The following EYS variants were observed in gnomAD, a reference collection of about 807,000 sequenced individuals.
The protein encoded by EYS is EGF-like photoreceptor maintenance factor.
Under a neutral mutation model 282.1 loss-of-function variants are expected in EYS, and 250 were observed. The ratio of observed to expected loss-of-function variants is 0.89; its 90% CI spans 0.80 to 0.98. The LOEUF is 0.98. Ranked by LOEUF, EYS falls within the 50% of genes least tolerant of loss-of-function variation. The pLI is 0.00. For missense variants in EYS, 4,016 were observed against 3,709.0 expected (o/e 1.08, Z -2.15); for synonymous variants, 1,355 against 1,282.9 (o/e 1.06, Z -1.20).
chr6:64,596,587 T>G (rs529501092), intron 24 of EYS, among the ~76,000 whole-genome samples: 1 of 152,212 alleles, frequency 6.6e-6, no homozygotes, highest in Admixed American at 6.5e-5. Context: ...TGATTTTTGA[T>G]AGAGATACCA....
chr6:64,696,025 A>T (rs1449596304), intron 22 of EYS, among the ~76,000 whole-genome samples: 1 of 152,242 alleles, frequency 6.6e-6, no homozygotes, highest in African/African-American at 2.4e-5. Flanking sequence ...GAAATATTCA[A>T]AATGCCAGAT....
At chr6:65,076,000 A>T (rs542333564) in intron 12 of EYS, among the ~76,000 whole-genome samples, 4 of 151,992 alleles carry the variant, frequency 2.6e-5, no homozygotes, top group Non-Finnish European at 5.9e-5. Flanking sequence ...CAGTAAATCA[A>T]GTTGGATTTG....
chr6:64,679,041 ATAATT>A (rs1769805061), intron 22 of EYS, among the ~76,000 whole-genome samples: 1 of 152,148 alleles, frequency 6.6e-6, no homozygotes, highest in African/African-American at 2.4e-5. Flanking sequence ...ATACACTTAC[ATAATT>A]TAAAGTTTAT....
chr6:65,522,209 G>A (rs2127299419), intron 2 of EYS, among the ~76,000 whole-genome samples: 1 of 152,066 alleles, frequency 6.6e-6, no homozygotes, highest in East Asian at 1.9e-4. Flanking sequence ...TAATTTTTCT[G>A]GTAAATTGAA....
At chr6:64,334,014 G>A (rs1027588806) in intron 29 of EYS, among the ~76,000 whole-genome samples, 11 of 152,158 alleles carry the variant, frequency 7.2e-5, no homozygotes, top group East Asian at 3.9e-4. Flanking sequence ...CCCCATCATC[G>A]GAAAATACTG....
At chr6:63,874,767 CTGTT>C (rs1287773075) in intron 35 of EYS, among the ~76,000 whole-genome samples, 6 of 152,146 alleles carry the variant, frequency 3.9e-5, no homozygotes, top group East Asian at 1.9e-4. Flanking sequence ...ATTTGGCTCT[CTGTT>C]TGTCTGTTAT....
intron 41 of EYS, among the ~76,000 whole-genome samples, chr6:63,753,152 A>ATATATATATATATG (rs1289184094): frequency 1.4e-5 from 2 of 144,348 alleles, no homozygotes; most frequent in African/African-American, 5.1e-5. Context: ...ATATATATAT[A>ATATATATATATATG]TATATATATA....
chr6:64,426,525 G>A (rs765089006), intron 28 of EYS, among the ~76,000 whole-genome samples: 1 of 152,114 alleles, frequency 6.6e-6, no homozygotes, highest in Non-Finnish European at 1.5e-5. Context: ...TGTTGCAGCT[G>A]AGAAATTTTA....
chr6:64,297,338 C>A (rs549860787), intron 30 of EYS, among the ~76,000 whole-genome samples: 1 of 152,014 alleles, frequency 6.6e-6, no homozygotes, highest in South Asian at 2.1e-4. Flanking sequence ...TTGGAACATT[C>A]AAAAATAACT....
chr6:64,899,940 G>A (rs1767600970), intron 18 of EYS, among the ~76,000 whole-genome samples: 1 of 151,906 alleles, frequency 6.6e-6, no homozygotes, highest in Non-Finnish European at 1.5e-5. Context: ...CCTAAGCAAA[G>A]GATCAAAGCT....
intron 12 of EYS, among the ~76,000 whole-genome samples, chr6:65,208,649 G>T (rs1766096276): frequency 6.6e-6 from 1 of 151,874 alleles, no homozygotes; most frequent in Admixed American, 6.6e-5. Context: ...TTCCTTTGCT[G>T]CAACATGGAT....
intron 14 of EYS, among the ~76,000 whole-genome samples, chr6:64,982,192 C>A (rs952213870): frequency 1.3e-5 from 2 of 151,368 alleles, no homozygotes; most frequent in South Asian, 2.1e-4. Context: ...CTGCATGGTA[C>A]CTTTTTCATG....
chr6:64,325,500 C>T (rs1390120980), intron 29 of EYS, among the ~76,000 whole-genome samples: 2 of 152,106 alleles, frequency 1.3e-5, no homozygotes, highest in African/African-American at 2.4e-5. Flanking sequence ...TATGATAAAA[C>T]AAGGCTCTTT....
intron 2 of EYS, among the ~76,000 whole-genome samples, chr6:65,601,292 A>G (rs1765609542): frequency 6.6e-6 from 1 of 151,944 alleles, no homozygotes; most frequent in African/African-American, 2.4e-5. Flanking sequence ...AAAAAATTAT[A>G]ACAATAGCAA....
At chr6:64,053,426 G>C (rs1163219866) in intron 33 of EYS, among the ~76,000 whole-genome samples, 1 of 152,072 alleles carries the variant, frequency 6.6e-6, no homozygotes, top group Non-Finnish European at 1.5e-5. Flanking sequence ...TAAATTATAA[G>C]AGATTTTAAC....
chr6:65,242,565 T>G (rs1399788547), intron 12 of EYS, among the ~76,000 whole-genome samples: 1 of 152,128 alleles, frequency 6.6e-6, no homozygotes, highest in Non-Finnish European at 1.5e-5. Context: ...AAATTTTTAT[T>G]AATGCTACTG....
At chr6:64,126,098 T>A (rs1042991586) in intron 31 of EYS, among the ~76,000 whole-genome samples, 1 of 152,032 alleles carries the variant, frequency 6.6e-6, no homozygotes. Flanking sequence ...GTAAACTAGT[T>A]GTTGGTGGGA....
intron 7 of EYS, among the ~76,000 whole-genome samples, chr6:65,388,381 A>G (rs1327624717): frequency 1.3e-5 from 2 of 152,006 alleles, no homozygotes; most frequent in Non-Finnish European, 2.9e-5. Flanking sequence ...GAGGTGCTAT[A>G]TAATTAATAA....
At chr6:65,294,343 T>C (rs920813546) in intron 12 of EYS, among the ~76,000 whole-genome samples, 1 of 151,720 alleles carries the variant, frequency 6.6e-6, no homozygotes, top group African/African-American at 2.4e-5. Context: ...TATAATTCAG[T>C]GGAAAGAAAA....
Sources: allele counts gnomAD v4.1 joint callset (sites outside exome capture counted in the v4.1 genomes callset), GRCh38; gene constraint gnomAD v4.1.1; transcripts MANE v1.5; gene names NCBI Gene and HGNC (gene_info 2026-07-23, HGNC 2026-07-21).